RGS6: variants seen among roughly 807,000 people sequenced by gnomAD.
RGS6 encodes the protein regulator of G-protein signaling 6.
In RGS6, 30 loss-of-function variants were observed where a neutral mutation model predicts 78.5. The ratio of observed to expected loss-of-function variants is 0.38; its 90% CI spans 0.29 to 0.52. RGS6 has a LOEUF of 0.52. Among genes scored for constraint, RGS6 ranks in the 20% least tolerant of loss-of-function variants. The probability of loss-of-function intolerance (pLI) is 0.85; values close to 1 mark genes in which losing one functional copy is unlikely to be tolerated. For missense variants in RGS6, 495 were observed against 609.7 expected (o/e 0.81, Z 1.98); for synonymous variants, 206 against 206.0 (o/e 1.00, Z 0.00).
intron 3 of RGS6, among the ~76,000 whole-genome samples, chr14:72,435,984 GAGTA>G (rs139754066): frequency 1.4e-4 from 21 of 152,276 alleles, no homozygotes; most frequent in African/African-American, 5.1e-4. Flanking sequence ...TGTATAAGTA[GAGTA>G]AGTAAGTAGA....
Position 72,277,065 on chromosome 14 carries a change from A to G in RGS6, c.85-75030A>G, listed in dbSNP as rs569779203. ...GAGGTATTCAATCCATACATATTGAATTGAATGCATGAATGAACAACTTCC... is the reference window on the plus strand; with the variant it reads ...GAGGTATTCAATCCATACATATTGAGTTGAATGCATGAATGAACAACTTCC... On this transcript the variant is annotated intron_variant, in intron 2 of 17. Coordinates refer to ENST00000553525, the MANE Select transcript of RGS6 (RefSeq NM_001204424.2). Among the ~76,000 whole-genome samples the G allele has an allele frequency of 3.9e-5, 6 of 152,312 alleles. No homozygotes were observed. The East Asian group carries it at 1.2e-3, about 29-fold the overall frequency.
At chr14:72,096,791 C>T (rs575613141) in intron 2 of RGS6, among the ~76,000 whole-genome samples, 28 of 152,336 alleles carry the variant, frequency 1.8e-4, no homozygotes, top group Admixed American at 9.8e-4. Context: ...CATCCACTTT[C>T]CGTTGGTTGT....
intron 2 of RGS6, among the ~76,000 whole-genome samples, chr14:72,231,848 G>C (rs76635342): frequency 2.6e-5 from 4 of 152,218 alleles, no homozygotes; most frequent in African/African-American, 9.6e-5. Flanking sequence ...GGAGAGGGGT[G>C]GGGGATGAAC....
rs114530440 is a variant in RGS6 at position 71,966,572 on chromosome 14, C to T, written c.84+1697C>T. 3.1e-3 allele frequency among the ~76,000 whole-genome samples: 478 copies of T among 152,216 alleles called. 4 individuals carry two copies. The highest frequency in any genetic ancestry group is 0.011 in the African/African-American group (458 of 41,530). On this transcript the variant is annotated intron_variant, in intron 2 of 17. Coordinates refer to ENST00000553525, the MANE Select transcript of RGS6 (RefSeq NM_001204424.2). The stretch of plus-strand genomic sequence containing the variant: ...ACTTAGGTTAAAATGCCAACTTTAC[C>T]ACTCTTTAGCAGTATGACTGTAAGT...
intron 13 of RGS6, among the ~76,000 whole-genome samples, chr14:72,509,099 T>C (rs1407371386): frequency 6.6e-6 from 1 of 152,164 alleles, no homozygotes; most frequent in Non-Finnish European, 1.5e-5. Context: ...GTGCAGTGGC[T>C]CACACCTGTA....
intron 4 of RGS6, among the ~76,000 whole-genome samples, chr14:72,457,163 C>T (rs2153231740): frequency 6.6e-6 from 1 of 151,500 alleles, no homozygotes; most frequent in East Asian, 1.9e-4. Flanking sequence ...CATTCCAATT[C>T]CACCAGTTAC....
intron 2 of RGS6, among the ~76,000 whole-genome samples, chr14:72,141,903 A>AG (rs1199265066): frequency 6.6e-6 from 1 of 151,742 alleles, no homozygotes; most frequent in East Asian, 1.9e-4. Context: ...AAAAAAAAAA[A>AG]AACAAAACCC....
intron 3 of RGS6, among the ~76,000 whole-genome samples, chr14:72,385,062 T>G (rs1189524562): frequency 6.6e-6 from 1 of 152,188 alleles, no homozygotes; most frequent in Non-Finnish European, 1.5e-5. Flanking sequence ...TTTGCATATT[T>G]GTAACGGTGT....
intron 3 of RGS6, among the ~76,000 whole-genome samples, chr14:72,365,369 G>T (rs2152810110): frequency 6.6e-6 from 1 of 152,278 alleles, no homozygotes; most frequent in East Asian, 1.9e-4. Flanking sequence ...AGAATTCACA[G>T]GTGACATAGA....
At chr14:72,352,644 T>C (rs1451913441) in intron 3 of RGS6, among the ~76,000 whole-genome samples, 1 of 152,242 alleles carries the variant, frequency 6.6e-6, no homozygotes, top group Non-Finnish European at 1.5e-5. Context: ...CCTTATATTG[T>C]GCTTTGTGTG....
rs766683742 is a variant in RGS6, at chr14:72,459,621, C to A, written c.343-11C>A. The A allele has an allele frequency of 6.2e-7, 1 of 1,614,050 alleles. No homozygotes were observed. ...GCGCCCCTGAGCACTAACACCCATGCTCCTTTGCAGGCTCCGTACTTCTGG... is the reference window on the plus strand; with the variant it reads ...GCGCCCCTGAGCACTAACACCCATGATCCTTTGCAGGCTCCGTACTTCTGG... On this transcript the variant is annotated splice_polypyrimidine_tract_variant and intron_variant, in intron 5 of 17. Transcript: ENST00000553525.
At chr14:72,038,065 G>A (rs1387355269) in intron 2 of RGS6, among the ~76,000 whole-genome samples, 1 of 151,526 alleles carries the variant, frequency 6.6e-6, no homozygotes, top group Non-Finnish European at 1.5e-5. Flanking sequence ...TGCCTCCCAG[G>A]TTCAAGCTAT....
rs1379605849 is a variant in RGS6 at position 72,540,029 on chromosome 14, T to C, written c.1369-12T>C. 6.4e-7 allele frequency: 1 copy of C among 1,562,330 alleles called. No individual in the cohort carries two copies. The highest frequency in any genetic ancestry group is 1.2e-5 in the South Asian group (1 of 83,362). On this transcript the variant is annotated splice_polypyrimidine_tract_variant and intron_variant, in intron 16 of 17. Transcript: ENST00000553525. ...GTATTTTTCTCCCTACCCTTTTTTT[T>C]TTTTCCTAAAGCCAGAAAGTGAGCA...
chr14:72,162,562 A>G (rs1385472288), intron 2 of RGS6, among the ~76,000 whole-genome samples: 1 of 152,152 alleles, frequency 6.6e-6, no homozygotes, highest in East Asian at 1.9e-4. Flanking sequence ...CAACTGTAAG[A>G]CAGCGATGTC....
intron 2 of RGS6, among the ~76,000 whole-genome samples, chr14:72,071,793 C>A (rs910151714): frequency 1.3e-5 from 2 of 152,112 alleles, no homozygotes; most frequent in Non-Finnish European, 2.9e-5. Flanking sequence ...TGAAAATAAT[C>A]ATAATTATTT....
chr14:72,291,361 TC>T, intron 2 of RGS6, among the ~76,000 whole-genome samples: 1 of 152,148 alleles, frequency 6.6e-6, no homozygotes, highest in African/African-American at 2.4e-5. Flanking sequence ...ATGGCTGGGT[TC>T]AAATCCACCT....
intron 3 of RGS6, among the ~76,000 whole-genome samples, chr14:72,406,962 A>G (rs2092986702): frequency 6.6e-6 from 1 of 152,222 alleles, no homozygotes; most frequent in Non-Finnish European, 1.5e-5. Flanking sequence ...TCTCCATGTA[A>G]CATTAACTCA....
chr14:72,222,000 C>T (rs2046982181), intron 2 of RGS6, among the ~76,000 whole-genome samples: 1 of 152,244 alleles, frequency 6.6e-6, no homozygotes, highest in South Asian at 2.1e-4. Context: ...TTAAAATTTA[C>T]TACTCTTATT....
Position 72,028,475 on chromosome 14 carries a change from C to G in RGS6, c.84+63600C>G, listed in dbSNP as rs79947351. ...AGAATTTATTTAAACATACTAAACA[C>G]TGTGCATAGTGACTCTTACATCTTT... On this transcript the variant is annotated intron_variant, in intron 2 of 17. Coordinates refer to ENST00000553525, the MANE Select transcript of RGS6 (RefSeq NM_001204424.2). Among the ~76,000 whole-genome samples, 6 of 152,374 alleles carry G rather than the reference C, an allele frequency of 3.9e-5. No homozygotes were observed. In the East Asian group the frequency reaches 1.2e-3, roughly 29 times the overall value.
Sources: gnomAD v4.1 joint callset for allele counts (sites outside exome capture counted in the v4.1 genomes callset) on GRCh38, gnomAD v4.1.1 for gene constraint, MANE v1.5 for transcripts, NCBI Gene and HGNC (gene_info 2026-07-23, HGNC 2026-07-21) for gene names.